Variants in METTL15 observed in about 807,000 individuals in gnomAD.
METTL15 encodes the protein methyltransferase 15, mitochondrial 12S rRNA N4-cytidine.
In METTL15, 34 loss-of-function variants were observed where a neutral mutation model predicts 38.3. The ratio of observed to expected loss-of-function variants is 0.89; its 90% CI spans 0.68 to 1.18. The LOEUF (loss-of-function observed/expected upper bound fraction) is 1.18, where lower values mean the gene tolerates loss of function less well. Among genes scored for constraint, METTL15 ranks in the 50% most tolerant of loss-of-function variants. The pLI is 0.00. For synonymous variants in METTL15, 162 were observed against 170.9 expected, an observed-to-expected ratio of 0.95 and a Z score of 0.41; for missense variants, 438 against 498.4, an observed-to-expected ratio of 0.88 and a Z score of 1.15.
chr11:28,504,363 G>A (rs1851610266), intron 6 of METTL15, among the ~76,000 whole-genome samples: 2 of 152,108 alleles, frequency 1.3e-5, no homozygotes, highest in Non-Finnish European at 1.5e-5. Flanking sequence ...TTCCTAAAAG[G>A]AGCAGTTGTA....
intron 6 of METTL15, among the ~76,000 whole-genome samples, chr11:28,314,077 A>G (rs7117221): frequency 0.46 from 70,318 of 151,918 alleles, 17,801 homozygotes; most frequent in Admixed American, 0.56. Context: ...GAAAAAAGAT[A>G]TCTATAATTT....
At position 28,381,339 on chromosome 11, in the gene METTL15, A is replaced by C. The variant is rs749417370; in HGVS notation, c.*358+19303A>C. Among the ~76,000 whole-genome samples the C allele has an allele frequency of 4.6e-5, 7 of 152,160 alleles. No homozygotes were observed. The South Asian group carries it at 1.2e-3, about 27-fold the overall frequency. ...TGAGAGTTTTATTATTATATGCCTT[A>C]GGATACTTTTATTTGGTTGATTCTC... On this transcript the variant is annotated intron_variant and NMD_transcript_variant, in intron 5 of 7. Coordinates refer to the METTL15 transcript ENST00000532947.
intron 3 of METTL15, among the ~76,000 whole-genome samples, chr11:28,140,910 G>A (rs748689286): frequency 1.1e-4 from 17 of 152,144 alleles, no homozygotes; most frequent in Non-Finnish European, 1.6e-4. Flanking sequence ...CCCTTATCTG[G>A]ACCAAACAAA....
chr11:28,212,582 A>G (rs760254264), intron 4 of METTL15, among the ~76,000 whole-genome samples: 1 of 152,292 alleles, frequency 6.6e-6, no homozygotes, highest in Non-Finnish European at 1.5e-5. Context: ...ATGTGCATAT[A>G]ACCTACACAC....
chr11:28,494,373 C>T (rs994275615), intron 6 of METTL15, among the ~76,000 whole-genome samples: 1 of 152,188 alleles, frequency 6.6e-6, no homozygotes, highest in African/African-American at 2.4e-5. Flanking sequence ...GGACAATATA[C>T]TTTTCAATCT....
chr11:28,473,466 A>G (rs890541401), intron 6 of METTL15, among the ~76,000 whole-genome samples: 1 of 152,284 alleles, frequency 6.6e-6, no homozygotes, highest in Middle Eastern at 3.4e-3. Flanking sequence ...TACATGTCTA[A>G]CCTGTCTCAG....
intron 6 of METTL15, chr11:28,519,204 C>T (rs1180629966): frequency 6.6e-6 from 1 of 152,248 alleles, no homozygotes; most frequent in Non-Finnish European, 1.5e-5. Context: ...GAGCCTACCT[C>T]TACACAGGCT....
At chr11:28,194,485 C>T (rs1341018378) in intron 3 of METTL15, among the ~76,000 whole-genome samples, 3 of 151,872 alleles carry the variant, frequency 2.0e-5, no homozygotes, top group Non-Finnish European at 4.4e-5. Context: ...CAAGCATGAG[C>T]CACCATGTCT....
intron 6 of METTL15, among the ~76,000 whole-genome samples, chr11:28,479,277 C>G (rs879554583): frequency 6.6e-6 from 1 of 152,098 alleles, no homozygotes; most frequent in Non-Finnish European, 1.5e-5. Flanking sequence ...GATAGAAGCC[C>G]TGCCCTTGTG....
At chr11:28,374,684 C>T (rs1484418775) in intron 5 of METTL15, among the ~76,000 whole-genome samples, 1 of 150,700 alleles carries the variant, frequency 6.6e-6, no homozygotes, top group Non-Finnish European at 1.5e-5. Context: ...TTGCCCTGGC[C>T]AGAACTTCCC....
intron 6 of METTL15, among the ~76,000 whole-genome samples, chr11:28,429,418 G>C (rs950731318): frequency 4.0e-5 from 4 of 100,988 alleles, no homozygotes; most frequent in Non-Finnish European, 5.6e-5. Flanking sequence ...CTCATGCGGA[G>C]CCGAAGCTGG....
At chr11:28,377,909 C>T (rs1489029297) in intron 5 of METTL15, among the ~76,000 whole-genome samples, 5 of 151,922 alleles carry the variant, frequency 3.3e-5, no homozygotes, top group African/African-American at 1.2e-4. Flanking sequence ...GTTGGAGTAC[C>T]CTGCAGTGTG....
At chr11:28,388,378 G>A (rs1850463403) in intron 5 of METTL15, among the ~76,000 whole-genome samples, 1 of 151,902 alleles carries the variant, frequency 6.6e-6, no homozygotes, top group Non-Finnish European at 1.5e-5. Flanking sequence ...GCATGATATA[G>A]AATCAACACA....
chr11:28,288,109 A>G (rs535928827), intron 4 of METTL15, among the ~76,000 whole-genome samples: 1 of 152,314 alleles, frequency 6.6e-6, no homozygotes, highest in South Asian at 2.1e-4. Context: ...CAGAACCACA[A>G]TGAGATATCG....
At chr11:28,330,120 A>G (rs1185859229) in intron 6 of METTL15, among the ~76,000 whole-genome samples, 1 of 152,034 alleles carries the variant, frequency 6.6e-6, no homozygotes, top group African/African-American at 2.4e-5. Context: ...TTTTGTTATT[A>G]TTTCTTTAAA....
At chr11:28,401,589 C>T (rs905120542) in intron 5 of METTL15, among the ~76,000 whole-genome samples, 4 of 151,862 alleles carry the variant, frequency 2.6e-5, no homozygotes, top group Non-Finnish European at 4.4e-5. Context: ...GCAATACCAG[C>T]GAAGCCCATA....
intron 3 of METTL15, among the ~76,000 whole-genome samples, chr11:28,175,471 G>T (rs1279134615): frequency 2.0e-5 from 3 of 152,136 alleles, no homozygotes; most frequent in Non-Finnish European, 2.9e-5. Flanking sequence ...CCAGTAATGG[G>T]ATTGCTGGGT....
chr11:28,263,849 A>G (rs1418502617), intron 4 of METTL15, among the ~76,000 whole-genome samples: 1 of 152,012 alleles, frequency 6.6e-6, no homozygotes, highest in Non-Finnish European at 1.5e-5. Flanking sequence ...TATTAAAAGT[A>G]TGGTTGTATT....
chr11:28,446,365 G>A (rs1160940879), intron 6 of METTL15, among the ~76,000 whole-genome samples: 3 of 152,084 alleles, frequency 2.0e-5, no homozygotes, highest in Non-Finnish European at 2.9e-5. Context: ...TGGTGCTCTC[G>A]CCTTTGCTGT....
Sources: allele counts gnomAD v4.1 joint callset (sites outside exome capture counted in the v4.1 genomes callset), GRCh38; gene constraint gnomAD v4.1.1; transcripts MANE v1.5; gene names NCBI Gene and HGNC (gene_info 2026-07-23, HGNC 2026-07-21).